The following PACRG variants were observed in gnomAD, a reference collection of about 807,000 sequenced individuals.
PACRG encodes parkin coregulated gene protein.
Under a neutral mutation model 29.7 loss-of-function variants are expected in PACRG, and 29 were observed. The ratio of observed to expected loss-of-function variants is 0.98; its 90% CI spans 0.73 to 1.33. The LOEUF is 1.33. Among genes scored for constraint, PACRG ranks in the 40% most tolerant of loss-of-function variants. The pLI, the probability that PACRG is intolerant of heterozygous loss-of-function variation, is 0.00. For missense variants in PACRG, 279 were observed against 316.2 expected (o/e 0.88, Z 0.89); for synonymous variants, 116 against 118.7 (o/e 0.98, Z 0.15).
At chr6:162,789,557 A>G (rs1291673787) in intron 1 of PACRG, among the ~76,000 whole-genome samples, 1 of 152,180 alleles carries the variant, frequency 6.6e-6, no homozygotes, top group Admixed American at 6.5e-5. Context: ...CTTTACAGAG[A>G]TGAAAAGGAG....
At chr6:162,914,508 G>GTTTTTTTTTTTTTTTTTT (rs3028611) in intron 2 of PACRG, among the ~76,000 whole-genome samples, 1 of 95,096 alleles carries the variant, frequency 1.1e-5, no homozygotes, top group African/African-American at 3.7e-5. Flanking sequence ...GTACTTTTTT[G>GTTTTTTTTTTTTTTTTTT]TTTTTTTTTT....
chr6:162,934,932 T>C (rs6930890), intron 2 of PACRG, among the ~76,000 whole-genome samples: 15,261 of 152,220 alleles, frequency 0.1, 998 homozygotes, highest in East Asian at 0.26. Flanking sequence ...CATTTATTTA[T>C]GAAGGATAGC....
At chr6:163,100,535 G>T (rs1815013418) in intron 4 of PACRG, among the ~76,000 whole-genome samples, 1 of 152,134 alleles carries the variant, frequency 6.6e-6, no homozygotes, top group African/African-American at 2.4e-5. Flanking sequence ...TCCCCCCAGC[G>T]CGTGGCCAGT....
rs1584854278 is a variant in PACRG at position 162,953,106 on chromosome 6, G to A, written c.292-109044G>A. On this transcript the variant is annotated intron_variant, in intron 2 of 4. Transcript: ENST00000366888. ...TGGTGAAACCTGGGAATTCAGGGGA[G>A]TGTGTTGCTTTAATTTAAAGAACCA... Among the ~76,000 whole-genome samples, 2 of 152,248 alleles carry A rather than the reference G, an allele frequency of 1.3e-5. 1 individual carries two copies. The highest frequency in any genetic ancestry group is 4.1e-4 in the South Asian group (2 of 4,822).
At chr6:163,233,550 T>C (rs1467988414) in intron 4 of PACRG, among the ~76,000 whole-genome samples, 1 of 152,052 alleles carries the variant, frequency 6.6e-6, no homozygotes, top group African/African-American at 2.4e-5. Context: ...ATATTATGAG[T>C]TCAAGAAAAT....
At chr6:162,952,871 G>A (rs550390673) in intron 2 of PACRG, among the ~76,000 whole-genome samples, 1 of 152,188 alleles carries the variant, frequency 6.6e-6, no homozygotes, top group Non-Finnish European at 1.5e-5. Flanking sequence ...CTCTAGCTTC[G>A]ACGTTTTTGC....
At chr6:163,074,384 C>G (rs1812350305) in intron 3 of PACRG, among the ~76,000 whole-genome samples, 3 of 152,100 alleles carry the variant, frequency 2.0e-5, no homozygotes, top group Admixed American at 6.5e-5. Flanking sequence ...AACAATTTAA[C>G]TCATGGAGAT....
chr6:163,060,113 C>A (rs940924825), intron 2 of PACRG, among the ~76,000 whole-genome samples: 4 of 151,694 alleles, frequency 2.6e-5, no homozygotes, highest in Non-Finnish European at 5.9e-5. Context: ...AAACAACAAC[C>A]GAAGACCAAA....
chr6:162,956,982 A>G (rs1052512156), intron 2 of PACRG, among the ~76,000 whole-genome samples: 3 of 151,966 alleles, frequency 2.0e-5, no homozygotes, highest in African/African-American at 7.3e-5. Context: ...GTAGTGGGTA[A>G]ATCTCACCTG....
rs1811162286 is a variant in PACRG, at chr6:163,062,294, C to A, written c.436C>A (p.Leu146Ile). 1 of 1,613,672 alleles carries A rather than the reference C, an allele frequency of 6.2e-7. No individual in the cohort carries two copies. Among genetic ancestry groups the A allele is most frequent in the Admixed American group, 1.7e-5 (1 of 59,944 alleles). ...CGGTGGGAACAAGATCCTACCTGTC[C>A]TTCCACAGCTCATTATCCCGATAAA... ...EHGGNKILPV[L>I]PQLIIPIKNA... Residue 146 changes from leucine to isoleucine, a missense_variant, in exon 3 of 5, where the codon CTT (leucine) becomes ATT (isoleucine). Transcript: ENST00000366888.
chr6:162,948,168 A>C (rs561566977), intron 2 of PACRG, among the ~76,000 whole-genome samples: 89 of 152,286 alleles, frequency 5.8e-4, no homozygotes, highest in Non-Finnish European at 1.2e-3. Flanking sequence ...TAGTAACCAG[A>C]ACAGGATGGT....
intron 4 of PACRG, among the ~76,000 whole-genome samples, chr6:163,181,019 C>A (rs1171745427): frequency 6.6e-6 from 1 of 152,216 alleles, no homozygotes; most frequent in Non-Finnish European, 1.5e-5. Context: ...ATAGGTCAAC[C>A]TCAGCCTGAG....
At chr6:163,030,719 G>T (rs7746163) in intron 2 of PACRG, among the ~76,000 whole-genome samples, 41,748 of 152,004 alleles carry the variant, frequency 0.27, 6,642 homozygotes, top group East Asian at 0.68. Context: ...GGTATACAAG[G>T]GGTGGACTAT....
chr6:162,772,917 C>T (rs1783332278), intron 1 of PACRG, among the ~76,000 whole-genome samples: 1 of 152,282 alleles, frequency 6.6e-6, no homozygotes, highest in East Asian at 1.9e-4. Flanking sequence ...AAGACTCAAA[C>T]TTCAGTTTTA....
chr6:163,255,995 G>A (rs1555064), intron 4 of PACRG, among the ~76,000 whole-genome samples: 108,468 of 152,038 alleles, frequency 0.71, 38,889 homozygotes, highest in African/African-American at 0.76. Context: ...ACAGCAGAAT[G>A]TATCACTATT....
intron 2 of PACRG, among the ~76,000 whole-genome samples, chr6:162,830,766 C>T (rs912397494): frequency 4.6e-5 from 7 of 152,160 alleles, no homozygotes; most frequent in South Asian, 2.1e-4. Context: ...GTTATTTGGG[C>T]GGCTTTGGTG....
At chr6:162,969,418 T>C (rs1205526614) in intron 2 of PACRG, among the ~76,000 whole-genome samples, 1 of 151,900 alleles carries the variant, frequency 6.6e-6, no homozygotes, top group African/African-American at 2.4e-5. Flanking sequence ...TACCCCATCA[T>C]CTCTTGCCTG....
chr6:163,284,745 T>C (rs978305719), intron 4 of PACRG, among the ~76,000 whole-genome samples: 1 of 152,150 alleles, frequency 6.6e-6, no homozygotes, highest in Admixed American at 6.5e-5. Flanking sequence ...GACTCGGCCT[T>C]CATGTGTCCA....
intron 4 of PACRG, chr6:163,184,974 A>G (rs1457816045): frequency 6.6e-6 from 1 of 152,178 alleles, no homozygotes; most frequent in African/African-American, 2.4e-5. Flanking sequence ...ATCATGGAAG[A>G]TTTGTTTTGT....
Sources: gnomAD v4.1 joint callset for allele counts (sites outside exome capture counted in the v4.1 genomes callset) on GRCh38, gnomAD v4.1.1 for gene constraint, MANE v1.5 for transcripts, NCBI Gene and HGNC (gene_info 2026-07-23, HGNC 2026-07-21) for gene names.